Variants in MEG3 observed in about 807,000 individuals in gnomAD.
The protein encoded by MEG3 is maternally expressed 3, also known as Very putative protein from MEG3 locus.
At chr14:100,831,288 C>T (rs1414043902), downstream of MEG3, 1 of 153,200 alleles carries the variant, frequency 6.5e-6, no homozygotes, top group African/African-American at 2.4e-5. Flanking sequence ...AGAATTGTAC[C>T]TGTCTCAGTC....
chr14:100,852,361 G>T, upstream of MEG3: 1 of 533,594 alleles, frequency 1.9e-6, no homozygotes. Flanking sequence ...ACAGCATTTG[G>T]AAGGCGGAGG....
intron 1 of MEG3, chr14:100,826,267 C>A (rs764167738): frequency 6.6e-6 from 1 of 152,274 alleles, no homozygotes; most frequent in Non-Finnish European, 1.5e-5. Flanking sequence ...AGGAAGACGG[C>A]ATCCGCTTCT....
chr14:100,844,902 C>T (rs561431787), intron 2 of MEG3, among the ~76,000 whole-genome samples: 79 of 152,338 alleles, frequency 5.2e-4, no homozygotes, highest in African/African-American at 1.7e-3. Flanking sequence ...TGGTGCTTCC[C>T]GGGGCCTACT....
At chr14:100,859,099 A>G (rs940840261) in exon 1 of MEG3, 2 of 152,098 alleles carry the variant, frequency 1.3e-5, no homozygotes, top group African/African-American at 4.8e-5. Flanking sequence ...GGCCCTTTAC[A>G]CCCTGCCTCC....
chr14:100,861,025 A>G (rs928346503), downstream of MEG3: 6 of 172,162 alleles, frequency 3.5e-5, no homozygotes, highest in African/African-American at 1.5e-4. Context: ...TCTTAACAAA[A>G]ACTGATGGAT....
chr14:100,842,478 C>A (rs1219264395), intron 2 of MEG3, among the ~76,000 whole-genome samples: 1 of 152,110 alleles, frequency 6.6e-6, no homozygotes, highest in Non-Finnish European at 1.5e-5. Context: ...TCTGTAATGT[C>A]CAGGGCCCCG....
upstream of MEG3, chr14:100,855,655 T>G (rs1243613088): frequency 6.6e-6 from 1 of 152,246 alleles, no homozygotes; most frequent in African/African-American, 2.4e-5. Flanking sequence ...CATCCCTTCA[T>G]TCATTCACTC....
downstream of MEG3, chr14:100,831,922 A>G (rs1313642262): frequency 6.6e-6 from 1 of 152,220 alleles, no homozygotes; most frequent in East Asian, 1.9e-4. Context: ...ACAGGTAAGC[A>G]CCAGATGCCA....
At chr14:100,856,059 G>A (rs2038232417), upstream of MEG3, 1 of 152,216 alleles carries the variant, frequency 6.6e-6, no homozygotes. Flanking sequence ...AGGTGATCTT[G>A]GAGCCATTCC....
At chr14:100,829,451 C>T (rs2037337851), downstream of MEG3, 1 of 152,222 alleles carries the variant, frequency 6.6e-6, no homozygotes, top group East Asian at 1.9e-4. Context: ...CCTGGGTGGG[C>T]TTCTGGAATG....
exon 1 of MEG3, chr14:100,834,654 G>A (rs1335813092): frequency 4.4e-6 from 2 of 455,810 alleles, no homozygotes; most frequent in African/African-American, 4.0e-5. Flanking sequence ...CCATCCCGGG[G>A]TGCCCTTGAC....
exon 1 of MEG3, chr14:100,857,684 C>T (rs1445373673): frequency 6.6e-6 from 1 of 152,194 alleles, no homozygotes; most frequent in Non-Finnish European, 1.5e-5. Context: ...TGGGCTGCTG[C>T]TTCTCCCCAG....
chr14:100,837,422 G>C lies in MEG3; in HGVS notation n.3045+1122G>C, dbSNP rs1156990494. On this transcript the variant is annotated intron_variant and non_coding_transcript_variant, in intron 2 of 3. Transcript: ENST00000398461. The surrounding 1 kb of genome is among the most constrained non-coding windows in gnomAD (Gnocchi z 5.8). Reference sequence around the variant, plus strand: ...GCAGTTAGACTTCCCAGAGAAGCTGGGTGGGCGCTGAGAAAGGTCTGAACC... The same window carrying C: ...GCAGTTAGACTTCCCAGAGAAGCTGCGTGGGCGCTGAGAAAGGTCTGAACC... Among the ~76,000 whole-genome samples the C allele has an allele frequency of 6.6e-6, 1 of 152,144 alleles. No individual in the cohort carries two copies. The highest frequency in any genetic ancestry group is 2.4e-5 in the African/African-American group (1 of 41,438).
At chr14:100,827,046 G>A (rs2037254195) in intron 1 of MEG3, among the ~76,000 whole-genome samples, 1 of 152,032 alleles carries the variant, frequency 6.6e-6, no homozygotes, top group Non-Finnish European at 1.5e-5. Context: ...CAGAAAAGGG[G>A]GTGTGTTGCT....
chr14:100,837,592 C>CGCTGGG lies in MEG3; in HGVS notation n.3045+1293_3045+1298dup, dbSNP rs1295473283. Among the ~76,000 whole-genome samples, 10 of 152,074 alleles carry CGCTGGG rather than the reference C, an allele frequency of 6.6e-5. No individual in the cohort carries two copies. Among genetic ancestry groups the CGCTGGG allele is most frequent in the African/African-American group, 2.4e-4 (10 of 41,392 alleles). ...AAGGAAGTGGATGAACACAGCTGCA[C>CGCTGGG]GCTGGGTGGGGCCCAGCCTCTAGTC... is the stretch of plus-strand genomic sequence containing the variant. On this transcript the variant is annotated intron_variant and non_coding_transcript_variant, in intron 2 of 3. Transcript: ENST00000398461. This position sits in a 1 kb window ranked among gnomAD's most constrained non-coding sequence, Gnocchi z 5.8.
At chr14:100,835,463 C>G (rs1386641914) in exon 1 of MEG3, 1 of 153,186 alleles carries the variant, frequency 6.5e-6, no homozygotes, top group African/African-American at 2.4e-5. Flanking sequence ...TCTGCTTCTG[C>G]CCGGCTGCTG....
downstream of MEG3, chr14:100,831,502 C>T (rs957035939): frequency 1.3e-5 from 2 of 152,712 alleles, no homozygotes; most frequent in African/African-American, 4.8e-5. Flanking sequence ...TGCTTCCTGA[C>T]TCGCTCTACT....
At chr14:100,841,734 G>A (rs866726700) in intron 2 of MEG3, among the ~76,000 whole-genome samples, 39 of 152,230 alleles carry the variant, frequency 2.6e-4, no homozygotes, top group Non-Finnish European at 1.3e-4. Flanking sequence ...TGCAGGGATC[G>A]TGTTTTATGG....
intron 1 of MEG3, among the ~76,000 whole-genome samples, chr14:100,827,199 G>T (rs1201956881): frequency 6.6e-6 from 1 of 152,148 alleles, no homozygotes; most frequent in Admixed American, 6.5e-5. Context: ...TCAGAGTCAA[G>T]CCCCCCCAGG....
Sources: allele counts gnomAD v4.1 joint callset (sites outside exome capture counted in the v4.1 genomes callset), GRCh38; gene constraint gnomAD v4.1.1; non-coding constraint Gnocchi (gnomAD v3.1); transcripts MANE v1.5; gene names NCBI Gene and HGNC (gene_info 2026-07-23, HGNC 2026-07-21).